Variants in COL23A1 observed in about 807,000 individuals in gnomAD.
COL23A1 encodes collagen type XXIII alpha 1 chain.
A neutral mutation model predicts 99.3 loss-of-function variants in COL23A1; 97 were observed. That is an observed-to-expected ratio of 0.98 (90% CI 0.83 to 1.16). The LOEUF (loss-of-function observed/expected upper bound fraction) is 1.16, where lower values mean the gene tolerates loss of function less well. Among genes scored for constraint, COL23A1 ranks in the 50% most tolerant of loss-of-function variants. The pLI is 0.00. For missense variants in COL23A1, 762 were observed against 757.4 expected (o/e 1.01, Z -0.07); for synonymous variants, 320 against 308.2 (o/e 1.04, Z -0.40).
intron 2 of COL23A1, among the ~76,000 whole-genome samples, chr5:178,426,073 G>T (rs1465651250): frequency 6.6e-6 from 1 of 152,226 alleles, no homozygotes; most frequent in African/African-American, 2.4e-5. Context: ...GCTTCCTTCA[G>T]TGTCTTTGTA....
At chr5:178,438,290 T>G (rs1581391412) in intron 2 of COL23A1, among the ~76,000 whole-genome samples, 1 of 152,328 alleles carries the variant, frequency 6.6e-6, no homozygotes, top group South Asian at 2.1e-4. Context: ...AAAAGATACT[T>G]GGGTTACATG....
At chr5:178,301,959 C>CCTCTGTGTGTGCCG in intron 3 of COL23A1, among the ~76,000 whole-genome samples, 2 of 39,228 alleles carry the variant, frequency 5.1e-5, no homozygotes, top group East Asian at 3.3e-4. Context: ...CAATGCTGCA[C>CCTCTGTGTGTGCCG]CTCTGTGTGC....
At chr5:178,465,921 T>C (rs1046564002) in intron 2 of COL23A1, among the ~76,000 whole-genome samples, 3 of 151,862 alleles carry the variant, frequency 2.0e-5, no homozygotes, top group African/African-American at 7.3e-5. Flanking sequence ...GGATGGCGAG[T>C]CTAACTCAGC....
At chr5:178,530,499 T>C (rs1760584503) in intron 2 of COL23A1, among the ~76,000 whole-genome samples, 1 of 152,126 alleles carries the variant, frequency 6.6e-6, no homozygotes, top group Admixed American at 6.6e-5. Context: ...CCCCTTTGAA[T>C]ATGAGCCAGA....
At chr5:178,369,162 G>C (rs1181033959) in intron 2 of COL23A1, among the ~76,000 whole-genome samples, 1 of 152,224 alleles carries the variant, frequency 6.6e-6, no homozygotes, top group Admixed American at 6.5e-5. Context: ...AGCACAGCTA[G>C]GCAGGCCTCA....
chr5:178,330,357 G>C (rs117723204), intron 2 of COL23A1, among the ~76,000 whole-genome samples: 1 of 152,198 alleles, frequency 6.6e-6, no homozygotes, highest in East Asian at 1.9e-4. Flanking sequence ...CTCTGCACAC[G>C]GGTGCAGATC....
chr5:178,562,249 GA>G (rs777023242), intron 1 of COL23A1: 14,845 of 196,208 alleles, frequency 0.076, 12 homozygotes, highest in South Asian at 0.1. Flanking sequence ...CTCAAAAAAA[GA>G]AAAAAAAAAA....
intron 2 of COL23A1, among the ~76,000 whole-genome samples, chr5:178,316,758 G>A (rs1759002336): frequency 6.6e-6 from 1 of 151,628 alleles, no homozygotes; most frequent in African/African-American, 2.4e-5. Context: ...ATCTCTTTTT[G>A]TAAGCCACAT....
intron 1 of COL23A1, among the ~76,000 whole-genome samples, chr5:178,568,518 C>T (rs750210654): frequency 6.2e-5 from 9 of 145,514 alleles, no homozygotes; most frequent in Non-Finnish European, 1.1e-4. Context: ...TAAGTACATT[C>T]ATAATGTTAT....
Position 178,589,285 on chromosome 5 carries a change from A to T in COL23A1, c.294+619T>A, listed in dbSNP as rs1178260420. ...CCTGAAACCAGAATCCAGGTCCTCC[A>T]CCCCCGATTGTTTCTCCTTCCTCTC... is the stretch of plus-strand genomic sequence containing the variant. On this transcript the variant is annotated intron_variant, in intron 1 of 28. Transcript: ENST00000390654. The surrounding 1 kb of genome is among the most constrained non-coding windows in gnomAD (Gnocchi z 5.4). Among the ~76,000 whole-genome samples the T allele has an allele frequency of 6.6e-6, 1 of 151,722 alleles. No homozygotes were observed. The highest frequency in any genetic ancestry group is 2.4e-5 in the African/African-American group (1 of 41,306).
At chr5:178,552,992 G>A (rs1475418451) in intron 2 of COL23A1, among the ~76,000 whole-genome samples, 13 of 151,842 alleles carry the variant, frequency 8.6e-5, no homozygotes, top group Admixed American at 5.2e-4. Flanking sequence ...ACAGGCGTGA[G>A]CCACTGCGCC....
At chr5:178,269,454 CCCATCCAT>C (rs1192661431) in intron 6 of COL23A1, among the ~76,000 whole-genome samples, 1 of 76,620 alleles carries the variant, frequency 1.3e-5, no homozygotes, top group Non-Finnish European at 2.6e-5. Context: ...CACCCATCCA[CCCATCCAT>C]CCACCCATCC....
At chr5:178,325,329 C>T (rs926482715) in intron 2 of COL23A1, among the ~76,000 whole-genome samples, 1 of 143,716 alleles carries the variant, frequency 7.0e-6, no homozygotes, top group African/African-American at 2.7e-5. Flanking sequence ...TTTGGGACAG[C>T]GCTCCCTGGC....
At chr5:178,285,376 T>C (rs1339072408) in intron 5 of COL23A1, among the ~76,000 whole-genome samples, 1 of 152,208 alleles carries the variant, frequency 6.6e-6, no homozygotes, top group Middle Eastern at 3.2e-3. Context: ...TGAAGTTTAC[T>C]AAGCTACAAA....
rs1181768624 is a variant in COL23A1 at position 178,590,148 on chromosome 5, T to C, written c.50A>G (p.Asn17Ser). The change falls in exon 1 of 29, where the codon AAT becomes AGT. Residue 17 changes from asparagine to serine, a missense_variant. Physicochemically the swap from Asn to Ser is conservative, Grantham distance 46. Coordinates refer to ENST00000390654, the MANE Select transcript of COL23A1 (RefSeq NM_173465.4). This position sits in a 1 kb window ranked among gnomAD's most constrained non-coding sequence, Gnocchi z 5.7. ...CCCTCCGCCGCCGCCGCCCGCCGCA[T>C]TGCCCTTCCCCGCGTCGCCGCCGCC... ...AGGGGDAGKG[N>S]AAGGGGGGRS... The C allele has an allele frequency of 3.2e-6, 4 of 1,236,864 alleles. No homozygotes were observed. The highest frequency in any genetic ancestry group is 3.4e-5 in the East Asian group (1 of 29,280). The allele number at this position is 1,236,864 out of a possible 1,614,324, so 76.6% of individuals were successfully genotyped here. A position where few individuals can be genotyped will look rare whatever the true frequency, so the allele number is the denominator to read the frequency against.
At chr5:178,376,791 T>C (rs1188798865) in intron 2 of COL23A1, among the ~76,000 whole-genome samples, 1 of 152,180 alleles carries the variant, frequency 6.6e-6, no homozygotes, top group Non-Finnish European at 1.5e-5. Flanking sequence ...TCATGCCCTG[T>C]TTACTGCCAA....
chr5:178,578,946 C>T (rs1763529532), intron 1 of COL23A1, among the ~76,000 whole-genome samples: 1 of 151,992 alleles, frequency 6.6e-6, no homozygotes, highest in Non-Finnish European at 1.5e-5. Context: ...TTATTTTGGT[C>T]ATGACTTTTT....
chr5:178,293,233 T>C (rs1757557765), intron 3 of COL23A1, among the ~76,000 whole-genome samples: 1 of 150,904 alleles, frequency 6.6e-6, no homozygotes, highest in Admixed American at 6.6e-5. Flanking sequence ...GAGGATTCGG[T>C]GTGGGGGAGG....
intron 2 of COL23A1, among the ~76,000 whole-genome samples, chr5:178,470,461 C>T (rs1183829350): frequency 1.3e-5 from 2 of 152,166 alleles, no homozygotes; most frequent in Admixed American, 1.3e-4. Flanking sequence ...TGAGGACTCC[C>T]AGCTCCCCAC....
Sources: allele counts gnomAD v4.1 joint callset (sites outside exome capture counted in the v4.1 genomes callset), GRCh38; gene constraint gnomAD v4.1.1; non-coding constraint Gnocchi (gnomAD v3.1); transcripts MANE v1.5; gene names NCBI Gene and HGNC (gene_info 2026-07-23, HGNC 2026-07-21).